The following MAGI2 variants were observed in gnomAD, a reference collection of about 807,000 sequenced individuals.
MAGI2 encodes membrane associated guanylate kinase, WW and PDZ domain containing 2.
A neutral mutation model predicts 133.3 loss-of-function variants in MAGI2; 35 were observed. The observed-to-expected ratio is 0.26, with a 90% confidence interval of 0.20 to 0.35. MAGI2 has a LOEUF of 0.35. MAGI2 is among the 10% of genes least tolerant of loss of function. The probability of loss-of-function intolerance (pLI) is 1.00; values close to 1 mark genes in which losing one functional copy is unlikely to be tolerated. For synonymous variants in MAGI2, 729 were observed against 710.6 expected (o/e 1.03, Z -0.41); for missense variants, 1,636 against 1,863.4 (o/e 0.88, Z 2.25).
At chr7:78,868,885 C>T (rs1422778677) in intron 2 of MAGI2, among the ~76,000 whole-genome samples, 1 of 152,052 alleles carries the variant, frequency 6.6e-6, no homozygotes, top group African/African-American at 2.4e-5. Flanking sequence ...TCCAGAGTAG[C>T]TAGGACTACA....
intron 1 of MAGI2, among the ~76,000 whole-genome samples, chr7:79,191,715 A>G (rs939836636): frequency 2.6e-5 from 4 of 151,692 alleles, no homozygotes; most frequent in African/African-American, 9.7e-5. Flanking sequence ...GTTCTCATAT[A>G]TGTTTACTTG....
chr7:79,073,046 C>T (rs935806900), intron 1 of MAGI2, among the ~76,000 whole-genome samples: 1 of 151,644 alleles, frequency 6.6e-6, no homozygotes, highest in African/African-American at 2.4e-5. Flanking sequence ...CAAACAACAA[C>T]AACAACAAAA....
At chr7:79,108,476 G>A (rs1818627972) in intron 1 of MAGI2, among the ~76,000 whole-genome samples, 1 of 152,086 alleles carries the variant, frequency 6.6e-6, no homozygotes, top group Non-Finnish European at 1.5e-5. Context: ...AATATCTGAT[G>A]GAAATACCTA....
chr7:79,039,393 G>A (rs544277909), intron 1 of MAGI2, among the ~76,000 whole-genome samples: 16 of 152,080 alleles, frequency 1.1e-4, no homozygotes, highest in South Asian at 6.2e-4. Flanking sequence ...ATGAGAATAG[G>A]CTAATATAAT....
chr7:78,038,884 C>CA, intron 21 of MAGI2, among the ~76,000 whole-genome samples: 1 of 152,380 alleles, frequency 6.6e-6, no homozygotes. Context: ...GAGCCAAACT[C>CA]ACGTCACGTT....
rs147009374 is a variant in MAGI2 at position 79,025,090 on chromosome 7, C to A, written c.302-17884G>T. Reference sequence around the variant, plus strand: ...ACAGCACTATTCACAATAGCAAAGACATGGAATCAACATAAATGCCCATCA... The same window carrying A: ...ACAGCACTATTCACAATAGCAAAGAAATGGAATCAACATAAATGCCCATCA... On this transcript the variant is annotated intron_variant, in intron 1 of 21. Transcript: ENST00000354212. Among the ~76,000 whole-genome samples, 844 of 152,150 alleles carry A rather than the reference C, an allele frequency of 5.5e-3. 6 individuals carry two copies. The highest frequency in any genetic ancestry group is 0.016 in the Admixed American group (240 of 15,284).
intron 1 of MAGI2, among the ~76,000 whole-genome samples, chr7:79,379,662 A>T (rs1306281731): frequency 3.3e-5 from 5 of 151,270 alleles, no homozygotes; most frequent in Admixed American, 6.6e-5. Flanking sequence ...TTCTAACTGG[A>T]GTGAGATGGT....
At chr7:79,377,283 T>C (rs752138960) in intron 1 of MAGI2, among the ~76,000 whole-genome samples, 1 of 151,730 alleles carries the variant, frequency 6.6e-6, no homozygotes, top group Non-Finnish European at 1.5e-5. Context: ...ATGTGCATGA[T>C]TCAGCACAAT....
chr7:79,378,325 A>G (rs1404908388), intron 1 of MAGI2, among the ~76,000 whole-genome samples: 1 of 151,818 alleles, frequency 6.6e-6, no homozygotes, highest in Non-Finnish European at 1.5e-5. Context: ...GCTTCCCAAT[A>G]TTAACTCATT....
At chr7:78,867,787 ATAAGAG>A in intron 2 of MAGI2, among the ~76,000 whole-genome samples, 1 of 152,282 alleles carries the variant, frequency 6.6e-6, no homozygotes, top group East Asian at 1.9e-4. Context: ...AGACTGTAAC[ATAAGAG>A]TAAGAGACCG....
chr7:78,998,070 G>C (rs772668784), intron 2 of MAGI2, among the ~76,000 whole-genome samples: 1 of 152,112 alleles, frequency 6.6e-6, no homozygotes, highest in Non-Finnish European at 1.5e-5. Flanking sequence ...TTCATGAATA[G>C]TGAAGGCAGA....
At chr7:78,703,213 G>C (rs1051261833) in intron 2 of MAGI2, among the ~76,000 whole-genome samples, 6 of 151,970 alleles carry the variant, frequency 3.9e-5, no homozygotes, top group African/African-American at 1.4e-4. Flanking sequence ...AATATGTATA[G>C]TGTTCAATTT....
At chr7:78,555,192 GGAT>G (rs1799697022) in intron 3 of MAGI2, among the ~76,000 whole-genome samples, 1 of 55,724 alleles carries the variant, frequency 1.8e-5, no homozygotes, top group Non-Finnish European at 5.4e-5. Flanking sequence ...GAGGACGGTT[GGAT>G]GGATGGATAG....
intron 9 of MAGI2, among the ~76,000 whole-genome samples, chr7:78,271,968 T>A (rs1396821056): frequency 3.3e-5 from 5 of 152,220 alleles, no homozygotes; most frequent in African/African-American, 1.2e-4. Flanking sequence ...ATCTTAGTTA[T>A]TTTTTGTCTT....
At chr7:78,264,150 T>C (rs1251623454) in intron 9 of MAGI2, among the ~76,000 whole-genome samples, 1 of 152,202 alleles carries the variant, frequency 6.6e-6, no homozygotes, top group African/African-American at 2.4e-5. Flanking sequence ...TTAATATTTA[T>C]CTGGCATTTA....
intron 1 of MAGI2, among the ~76,000 whole-genome samples, chr7:79,378,343 T>C (rs1843519995): frequency 6.6e-6 from 1 of 151,838 alleles, no homozygotes; most frequent in African/African-American, 2.4e-5. Flanking sequence ...ATTTAATCCT[T>C]GTAAAACTTC....
chr7:79,418,909 G>T (rs1846743592), intron 1 of MAGI2, among the ~76,000 whole-genome samples: 1 of 145,866 alleles, frequency 6.9e-6, no homozygotes, highest in Non-Finnish European at 1.5e-5. Flanking sequence ...GTCATAAAAA[G>T]AATTTACAAG....
intron 2 of MAGI2, among the ~76,000 whole-genome samples, chr7:78,741,933 T>A (rs1822475177): frequency 6.6e-6 from 1 of 151,946 alleles, no homozygotes; most frequent in South Asian, 2.1e-4. Flanking sequence ...TTATAAGTTA[T>A]CACGAAGGAT....
chr7:78,582,213 A>G (rs1802907198), intron 3 of MAGI2, among the ~76,000 whole-genome samples: 1 of 152,178 alleles, frequency 6.6e-6, no homozygotes, highest in Non-Finnish European at 1.5e-5. Flanking sequence ...TTGGTTTTAA[A>G]AATGTGACAT....
Sources: allele counts gnomAD v4.1 joint callset (sites outside exome capture counted in the v4.1 genomes callset), GRCh38; gene constraint gnomAD v4.1.1; transcripts MANE v1.5; gene names NCBI Gene and HGNC (gene_info 2026-07-23, HGNC 2026-07-21).